The following TBC1D15 variants were observed in gnomAD, a reference collection of about 807,000 sequenced individuals.
TBC1D15 encodes TBC1 domain family member 15.
A neutral mutation model predicts 95.4 loss-of-function variants in TBC1D15; 39 were observed. The observed-to-expected ratio is 0.41, with a 90% CI of 0.32 to 0.53. The LOEUF is 0.53. Ranked by LOEUF, TBC1D15 falls within the 20% of genes least tolerant of loss-of-function variation. The pLI is 0.29. For synonymous variants in TBC1D15, 258 were observed against 261.3 expected (o/e 0.99, Z 0.12); for missense variants, 733 against 794.3 (o/e 0.92, Z 0.93).
At chr12:71,857,778 GT>G (rs1889427093) in intron 1 of TBC1D15, among the ~76,000 whole-genome samples, 1 of 152,132 alleles carries the variant, frequency 6.6e-6, no homozygotes, top group Non-Finnish European at 1.5e-5. Context: ...GCTGTAGAAC[GT>G]TAGAATTTAT....
At chr12:71,917,541 T>C (rs1903999570) in intron 12 of TBC1D15, among the ~76,000 whole-genome samples, 157 bp from the exon 13 acceptor site, 1 of 152,194 alleles carries the variant, frequency 6.6e-6, no homozygotes, top group Non-Finnish European at 1.5e-5. Flanking sequence ...TCCCTTTTAG[T>C]GTTACGTTAG....
intron 7 of TBC1D15, among the ~76,000 whole-genome samples, chr12:71,895,539 A>G (rs1223945484): frequency 6.6e-6 from 1 of 152,082 alleles, no homozygotes; most frequent in Non-Finnish European, 1.5e-5. Context: ...TTAGAAGAAA[A>G]GCTAATTTTT....
chr12:71,848,004 G>C (rs1257805587), intron 1 of TBC1D15, among the ~76,000 whole-genome samples: 1 of 152,146 alleles, frequency 6.6e-6, no homozygotes, highest in Non-Finnish European at 1.5e-5. Context: ...GGCTGAGACA[G>C]GAGAATCGCT....
At chr12:71,871,868 A>G (rs1476146643) in intron 1 of TBC1D15, among the ~76,000 whole-genome samples, 1 of 152,266 alleles carries the variant, frequency 6.6e-6, no homozygotes, top group East Asian at 1.9e-4. Flanking sequence ...TCATGCATTA[A>G]CAAAGCAGAA....
At chr12:71,916,182 C>T (rs963656221) in intron 12 of TBC1D15, among the ~76,000 whole-genome samples, 8 of 152,150 alleles carry the variant, frequency 5.3e-5, no homozygotes, top group African/African-American at 1.7e-4. Context: ...CCCATACAGA[C>T]ACATTTATTT....
At chr12:71,854,896 G>C (rs1275677506) in intron 1 of TBC1D15, 1 of 455,310 alleles carries the variant, frequency 2.2e-6, no homozygotes, top group Admixed American at 2.4e-5. Flanking sequence ...TTTTCCATCA[G>C]ACAAAATTCC....
chr12:71,846,742 A>C (rs914730294), intron 1 of TBC1D15, among the ~76,000 whole-genome samples: 3 of 123,004 alleles, frequency 2.4e-5, no homozygotes, highest in Admixed American at 8.2e-5. Flanking sequence ...TATGTAAATT[A>C]TTTTTTATAC....
intron 10 of TBC1D15, among the ~76,000 whole-genome samples, chr12:71,903,909 T>C (rs1900048862): frequency 6.6e-6 from 1 of 152,152 alleles, no homozygotes; most frequent in African/African-American, 2.4e-5. Context: ...GGTGTTATGC[T>C]CATTACCTGA....
chr12:71,844,762 T>C (rs1484571665), intron 1 of TBC1D15, among the ~76,000 whole-genome samples: 1 of 152,244 alleles, frequency 6.6e-6, no homozygotes, highest in African/African-American at 2.4e-5. Flanking sequence ...AAGAAGTAAC[T>C]GAAAATGGTA....
At chr12:71,869,247 G>A (rs1171040915) in intron 1 of TBC1D15, among the ~76,000 whole-genome samples, 1 of 152,196 alleles carries the variant, frequency 6.6e-6, no homozygotes, top group Non-Finnish European at 1.5e-5. Flanking sequence ...TCAGGGCTGG[G>A]TGCTGTGGCT....
chr12:71,864,890 C>A (rs1891160166), intron 1 of TBC1D15, among the ~76,000 whole-genome samples: 1 of 152,198 alleles, frequency 6.6e-6, no homozygotes, highest in South Asian at 2.1e-4. Context: ...ATCCACGTAG[C>A]TTATTTAGCT....
At chr12:71,869,105 TGACAACAGC>T (rs1394733481) in intron 1 of TBC1D15, among the ~76,000 whole-genome samples, 6 of 152,246 alleles carry the variant, frequency 3.9e-5, no homozygotes, top group Non-Finnish European at 8.8e-5. Context: ...TACTTTTTTG[TGACAACAGC>T]AGCTAAAATC....
intron 14 of TBC1D15, 78 bp from the exon 15 acceptor site, chr12:71,920,653 A>C: frequency 9.3e-7 from 1 of 1,072,308 alleles, no homozygotes; most frequent in Non-Finnish European, 1.4e-6. Context: ...GAAGTCATTC[A>C]GTGTTCAGAA....
chr12:71,870,277 A>G (rs567704907), intron 1 of TBC1D15, among the ~76,000 whole-genome samples: 5 of 152,208 alleles, frequency 3.3e-5, no homozygotes, highest in Admixed American at 2.0e-4. Context: ...CTCTAACATT[A>G]TAAATAATAC....
intron 5 of TBC1D15, among the ~76,000 whole-genome samples, chr12:71,891,073 A>T (rs1212453639): frequency 1.3e-5 from 2 of 151,494 alleles, no homozygotes. Flanking sequence ...AAATTTTGTT[A>T]TTGTACCTTT....
chr12:71,863,067 A>G (rs1320987302), intron 1 of TBC1D15, among the ~76,000 whole-genome samples: 1 of 152,148 alleles, frequency 6.6e-6, no homozygotes, highest in Non-Finnish European at 1.5e-5. Context: ...GTCCTGGCCT[A>G]TAAGATTTCT....
At chr12:71,922,333 C>T (rs1181345610) in intron 16 of TBC1D15, among the ~76,000 whole-genome samples, 5 of 152,120 alleles carry the variant, frequency 3.3e-5, no homozygotes, top group African/African-American at 4.8e-5. Context: ...GATCCACCCA[C>T]CTCGGCCTCA....
intron 5 of TBC1D15, among the ~76,000 whole-genome samples, chr12:71,892,630 C>G (rs889328260): frequency 1.3e-5 from 2 of 151,896 alleles, no homozygotes; most frequent in South Asian, 2.1e-4. Context: ...ATTACCCAAC[C>G]ATTCATAATA....
chr12:71,895,922 T>C (rs1898065707), intron 7 of TBC1D15, 25 bp from the exon 8 acceptor site: 1 of 1,606,678 alleles, frequency 6.2e-7, no homozygotes, highest in Non-Finnish European at 8.5e-7. Context: ...AATATGTACT[T>C]ATTATTGCTT....
Sources: allele counts gnomAD v4.1 joint callset (sites outside exome capture counted in the v4.1 genomes callset), GRCh38; gene constraint gnomAD v4.1.1; transcripts MANE v1.5; gene names NCBI Gene and HGNC (gene_info 2026-07-23, HGNC 2026-07-21).